Variants in ANKAR observed in about 807,000 individuals in gnomAD.
The protein encoded by ANKAR is ankyrin and armadillo repeat containing.
Under a neutral mutation model 146.2 loss-of-function variants are expected in ANKAR, and 136 were observed. The ratio of observed to expected loss-of-function variants is 0.93; its 90% CI spans 0.81 to 1.07. ANKAR has a LOEUF of 1.07. ANKAR is among the 50% of genes least tolerant of loss of function. ANKAR has a pLI of 0.00. For synonymous variants in ANKAR, 500 were observed against 575.8 expected (o/e 0.87, Z 1.88); for missense variants, 1,567 against 1,679.9 (o/e 0.93, Z 1.18).
At chr2:189,755,113 G>A (rs2045907259) in intron 18 of ANKAR, 1 of 1,554,006 alleles carries the variant, frequency 6.4e-7, no homozygotes, top group East Asian at 2.2e-5. Flanking sequence ...CACATCTATT[G>A]CTACTTAGTT....
chr2:189,746,081 A>G (rs1423058306), intron 22 of ANKAR, among the ~76,000 whole-genome samples: 2 of 152,218 alleles, frequency 1.3e-5, no homozygotes, highest in Non-Finnish European at 2.9e-5. Context: ...TATCAAGTCC[A>G]TCATTTTGAG....
At chr2:189,693,041 G>A (rs774735082) in intron 4 of ANKAR, 33 bp from the exon 5 acceptor site, 5 of 1,093,432 alleles carry the variant, frequency 4.6e-6, no homozygotes, top group South Asian at 4.3e-5. Flanking sequence ...TGTGTCTAAG[G>A]ATATGTCTTT....
intron 17 of ANKAR, 24 bp downstream of exon 17, chr2:189,733,253 G>T: frequency 1.3e-6 from 2 of 1,547,232 alleles, no homozygotes; most frequent in Non-Finnish European, 1.7e-6. Flanking sequence ...AAAATATTGA[G>T]GTTCATTTTG....
chr2:189,738,713 A>T (rs1229959528), intron 19 of ANKAR, 31 bp downstream of exon 19: 3 of 1,356,200 alleles, frequency 2.2e-6, no homozygotes, highest in Non-Finnish European at 3.1e-6. Flanking sequence ...AATTTTAGCC[A>T]CATAAAACTA....
intron 2 of ANKAR, 85 bp downstream of exon 2, chr2:189,677,176 C>T: frequency 7.4e-7 from 1 of 1,355,288 alleles, no homozygotes; most frequent in Non-Finnish European, 9.7e-7. Context: ...GTCACGAACC[C>T]CTGAGCTCAA....
intron 19 of ANKAR, 132 bp downstream of exon 19, chr2:189,738,814 A>G: frequency 1.8e-6 from 1 of 561,336 alleles, no homozygotes; most frequent in Non-Finnish European, 3.1e-6. Flanking sequence ...TTATGTTTAT[A>G]TCTACATGGA....
At chr2:189,762,824 G>A (rs2047327138), downstream of ANKAR, 2 of 985,482 alleles carry the variant, frequency 2.0e-6, no homozygotes, top group African/African-American at 3.5e-5. Context: ...CCCGTCCAGA[G>A]CTGGCTGCTG....
intron 10 of ANKAR, among the ~76,000 whole-genome samples, chr2:189,716,813 A>G (rs1392935686): frequency 6.6e-6 from 1 of 151,774 alleles, no homozygotes; most frequent in Non-Finnish European, 1.5e-5. Context: ...GATCTTTGAC[A>G]AACCTGACAA....
chr2:189,700,382 G>A (rs1439586874), intron 7 of ANKAR, among the ~76,000 whole-genome samples: 1 of 151,948 alleles, frequency 6.6e-6, no homozygotes, highest in Non-Finnish European at 1.5e-5. Context: ...CTTCTTTTAG[G>A]ATTGTTTTCT....
intron 5 of ANKAR, among the ~76,000 whole-genome samples, chr2:189,693,757 GT>G (rs2036785087): frequency 6.6e-6 from 1 of 151,578 alleles, no homozygotes; most frequent in Admixed American, 6.6e-5. Flanking sequence ...GTTTTTGTTT[GT>G]TTGTTTATGA....
intron 18 of ANKAR, 119 bp downstream of exon 18, chr2:189,737,960 T>A: frequency 1.1e-6 from 1 of 925,976 alleles, no homozygotes; most frequent in Non-Finnish European, 1.5e-6. Context: ...CTTAGTACTT[T>A]GCACATAAGC....
intron 10 of ANKAR, among the ~76,000 whole-genome samples, chr2:189,711,995 G>A (rs550553682): frequency 6.6e-6 from 1 of 152,338 alleles, no homozygotes; most frequent in African/African-American, 2.4e-5. Context: ...CTCACTGCTA[G>A]CGCGGCAGTC....
chr2:189,679,827 C>G (rs1415077763), intron 2 of ANKAR, among the ~76,000 whole-genome samples: 2 of 152,178 alleles, frequency 1.3e-5, no homozygotes, highest in African/African-American at 4.8e-5. Context: ...GGCGTATTAT[C>G]TTTCTGATAT....
At chr2:189,722,697 A>G (rs1209722183) in intron 12 of ANKAR, among the ~76,000 whole-genome samples, 1 of 152,166 alleles carries the variant, frequency 6.6e-6, no homozygotes, top group Non-Finnish European at 1.5e-5. Flanking sequence ...CCTGGCCAAC[A>G]TGGTGAAAAC....
chr2:189,724,802 C>T (rs1213102901), intron 12 of ANKAR, among the ~76,000 whole-genome samples: 1 of 151,956 alleles, frequency 6.6e-6, no homozygotes, highest in Non-Finnish European at 1.5e-5. Flanking sequence ...CATGAATGCA[C>T]AAACACTTTT....
At chr2:189,726,612 A>G (rs1376373991) in intron 12 of ANKAR, among the ~76,000 whole-genome samples, 1 of 152,230 alleles carries the variant, frequency 6.6e-6, no homozygotes, top group Non-Finnish European at 1.5e-5. Context: ...AAGGTTCCAG[A>G]TAATAGAACA....
At chr2:189,750,356 T>C (rs2044965054), downstream of ANKAR, among the ~76,000 whole-genome samples, 1 of 152,150 alleles carries the variant, frequency 6.6e-6, no homozygotes, top group Admixed American at 6.5e-5. Flanking sequence ...GATGTTTTAT[T>C]TTGGTTTTTA....
chr2:189,718,388 ACACAC>A (rs1433792592), intron 10 of ANKAR, among the ~76,000 whole-genome samples: 2 of 151,964 alleles, frequency 1.3e-5, no homozygotes, highest in African/African-American at 2.4e-5. Flanking sequence ...ACACACACAC[ACACAC>A]AAAGAAAATG....
chr2:189,704,583 ATATATATATATAT>A (rs2038630686), intron 7 of ANKAR, among the ~76,000 whole-genome samples: 1 of 110,820 alleles, frequency 9.0e-6, no homozygotes, highest in Non-Finnish European at 1.8e-5. Context: ...ATATATATAT[ATATATATATATAT>A]AATTTTAATT....
Sources: allele counts gnomAD v4.1 joint callset (sites outside exome capture counted in the v4.1 genomes callset), GRCh38; gene constraint gnomAD v4.1.1; transcripts MANE v1.5; gene names NCBI Gene and HGNC (gene_info 2026-07-23, HGNC 2026-07-21).